Variants in NBAS observed in about 807,000 individuals in gnomAD.
The protein encoded by NBAS is NAG/BC035112 fusion.
NBAS carries 219 observed loss-of-function variants against 302.5 expected under a neutral mutation model. The observed-to-expected ratio is 0.72, with a 90% CI of 0.65 to 0.81. The LOEUF (loss-of-function observed/expected upper bound fraction) is 0.81. NBAS is among the 30% of genes least tolerant of loss of function. The pLI is 0.00. For synonymous variants in NBAS, 1,118 were observed against 1,021.6 expected (o/e 1.09, Z -1.80); for missense variants, 2,932 against 2,841.6 (o/e 1.03, Z -0.72).
At chr2:14,792,924 A>G in the NBAS span, among the ~76,000 whole-genome samples, 3 of 152,138 alleles carry the variant, frequency 2.0e-5, no homozygotes, top group African/African-American at 7.2e-5. Context: ...CTAACCCCCA[A>G]TGTGACTATA....
the NBAS span, among the ~76,000 whole-genome samples, chr2:15,082,148 C>A: frequency 1.3e-5 from 2 of 152,082 alleles, no homozygotes; most frequent in African/African-American, 2.4e-5. Flanking sequence ...TATTATTGGA[C>A]CAATTTACCT....
intron 50 of NBAS, among the ~76,000 whole-genome samples, chr2:15,185,920 G>A (rs1285081928): frequency 3.3e-5 from 5 of 152,042 alleles, no homozygotes; most frequent in Admixed American, 3.3e-4. Context: ...TACATAGTAG[G>A]AATGCAAAAT....
At chr2:15,265,742 G>C (rs1294696064) in intron 44 of NBAS, among the ~76,000 whole-genome samples, 1 of 152,148 alleles carries the variant, frequency 6.6e-6, no homozygotes, top group African/African-American at 2.4e-5. Flanking sequence ...GTACTTTATA[G>C]TACAGAACTG....
intron 24 of NBAS, 33 bp downstream of exon 24, chr2:15,417,494 A>G (rs1426324959): frequency 1.3e-6 from 2 of 1,574,250 alleles, no homozygotes; most frequent in Non-Finnish European, 1.7e-6. Flanking sequence ...AATGCTTTAA[A>G]ATATTTAAAA....
Position 15,453,788 on chromosome 2 carries a change from T to C in NBAS, c.2339+7413A>G, listed in dbSNP as rs533809203. 7.9e-4 allele frequency among the ~76,000 whole-genome samples: 108 copies of C among 137,320 alleles called. No individual in the cohort carries two copies. The South Asian group carries it at 0.023, about 30-fold the overall frequency. The allele number at this position is 137,320 out of a possible 152,430, so 90.1% of individuals were successfully genotyped here. ...GTAACAGCTTTTCTTTTCTTTTTTC[T>C]TTTTTTTTTGAGACAGAGTCTCACT... is the stretch of plus-strand genomic sequence containing the variant. On this transcript the variant is annotated intron_variant, in intron 21 of 51. Transcript: ENST00000281513.
chr2:14,877,391 G>A, the NBAS span, among the ~76,000 whole-genome samples: 4 of 152,078 alleles, frequency 2.6e-5, no homozygotes, highest in Non-Finnish European at 4.4e-5. Context: ...GTATATACTG[G>A]CTATCTGCAG....
the NBAS span, among the ~76,000 whole-genome samples, chr2:15,157,557 G>T: frequency 6.6e-6 from 1 of 151,968 alleles, no homozygotes; most frequent in Non-Finnish European, 1.5e-5. Context: ...CCCTCCCCGG[G>T]GTCTTAAGAT....
Position 15,374,708 on chromosome 2 carries a change from T to C in NBAS, c.3603A>G (p.Gln1201=), listed in dbSNP as rs144760143. The C allele has an allele frequency of 5.1e-4, 820 of 1,613,688 alleles. 1 individual carries two copies. The highest frequency in any genetic ancestry group is 5.8e-4 in the Non-Finnish European group (686 of 1,179,674). The change falls in exon 31 of 52, where the codon CAA becomes CAG. Residue 1201 remains glutamine, a synonymous_variant. Transcript: ENST00000281513. ...TGGCAGGGGGTCTGTCTGTTATCAG[T>C]TGTAAGCAGCACCTAGAAGAAATTA... ...SCMDLARCCL[Q]LITDRPPAIQ...
chr2:15,053,392 A>G, the NBAS span, among the ~76,000 whole-genome samples: 4 of 152,334 alleles, frequency 2.6e-5, no homozygotes, highest in Non-Finnish European at 4.4e-5. Flanking sequence ...CCCTAGCTCT[A>G]TCTCCAAGTG....
At chr2:15,298,162 T>C (rs781211657) in intron 40 of NBAS, among the ~76,000 whole-genome samples, 3 of 152,068 alleles carry the variant, frequency 2.0e-5, no homozygotes, top group African/African-American at 7.2e-5. Context: ...CTGAGTGACA[T>C]AGTGAGACCC....
the NBAS span, among the ~76,000 whole-genome samples, chr2:14,779,611 C>T: frequency 1.4e-4 from 21 of 152,190 alleles, no homozygotes; most frequent in Non-Finnish European, 2.9e-4. Flanking sequence ...CAGATGTTCA[C>T]TCCTTTAGTT....
At chr2:15,186,986 A>T (rs1665120280) in intron 49 of NBAS, 106 bp from the exon 50 acceptor site, 12 of 1,495,788 alleles carry the variant, frequency 8.0e-6, no homozygotes, top group Non-Finnish European at 1.1e-5. Context: ...TACAATCAGA[A>T]TCTAGGTGAC....
chr2:14,971,953 A>G, the NBAS span, among the ~76,000 whole-genome samples: 6 of 152,212 alleles, frequency 3.9e-5, no homozygotes, highest in Non-Finnish European at 5.9e-5. Context: ...AGTCACCAGT[A>G]CATAAAATGA....
At chr2:15,548,580 G>A (rs750990455) in intron 6 of NBAS, among the ~76,000 whole-genome samples, 2 of 151,980 alleles carry the variant, frequency 1.3e-5, no homozygotes, top group Admixed American at 6.6e-5. Context: ...GAGGCAGAGG[G>A]TGCAGTGAGC....
At chr2:14,888,068 G>T in the NBAS span, among the ~76,000 whole-genome samples, 1 of 152,156 alleles carries the variant, frequency 6.6e-6, no homozygotes, top group African/African-American at 2.4e-5. Context: ...GATGGTTAAT[G>T]TATAAGTAGA....
At chr2:15,147,606 T>A in the NBAS span, among the ~76,000 whole-genome samples, 2 of 151,602 alleles carry the variant, frequency 1.3e-5, no homozygotes, top group East Asian at 1.9e-4. Flanking sequence ...AAAATAATAA[T>A]AAAAAAAATT....
the NBAS span, among the ~76,000 whole-genome samples, chr2:14,928,220 G>A: frequency 6.6e-6 from 1 of 152,138 alleles, no homozygotes; most frequent in East Asian, 1.9e-4. Flanking sequence ...GACCTGTCAT[G>A]AAGAGCTAAT....
At chr2:15,403,252 T>C (rs1344197609) in intron 25 of NBAS, among the ~76,000 whole-genome samples, 5 of 152,112 alleles carry the variant, frequency 3.3e-5, no homozygotes, top group South Asian at 2.1e-4. Flanking sequence ...ATTTTCTCAG[T>C]AGAAAAATCA....
chr2:15,291,172 T>TA (rs1353107754), intron 41 of NBAS, among the ~76,000 whole-genome samples: 1 of 152,212 alleles, frequency 6.6e-6, no homozygotes, highest in Non-Finnish European at 1.5e-5. Context: ...CAATGGGTTG[T>TA]AGGGGAGGCC....
Sources: allele counts gnomAD v4.1 joint callset (sites outside exome capture counted in the v4.1 genomes callset), GRCh38; gene constraint gnomAD v4.1.1; transcripts MANE v1.5; gene names NCBI Gene and HGNC (gene_info 2026-07-23, HGNC 2026-07-21).